Variants in JAK1 observed in about 807,000 individuals in gnomAD.
JAK1 encodes Janus kinase 1, also known as tyrosine-protein kinase JAK1.
Under a neutral mutation model 136.6 loss-of-function variants are expected in JAK1, and 16 were observed. The observed-to-expected ratio is 0.12, with a 90% CI of 0.08 to 0.18. The LOEUF (loss-of-function observed/expected upper bound fraction) is 0.18. Among genes scored for constraint, JAK1 ranks in the 10% least tolerant of loss-of-function variants. The probability of loss-of-function intolerance (pLI) is 1.00; values close to 1 mark genes in which losing one functional copy is unlikely to be tolerated. For missense variants in JAK1, 859 were observed against 1,450.1 expected (o/e 0.59, Z 6.62); for synonymous variants, 492 against 519.5 (o/e 0.95, Z 0.72).
chr1:64,892,424 G>A (rs766911373), intron 1 of JAK1, among the ~76,000 whole-genome samples: 10 of 152,098 alleles, frequency 6.6e-5, no homozygotes, highest in African/African-American at 2.2e-4. Context: ...GGGATAACAG[G>A]TGCACACTAC....
chr1:64,843,295 A>G (rs1424193457), intron 17 of JAK1, among the ~76,000 whole-genome samples: 1 of 152,162 alleles, frequency 6.6e-6, no homozygotes, highest in Non-Finnish European at 1.5e-5. Context: ...TGCCCCCTCT[A>G]AACAACAGGA....
intron 1 of JAK1, among the ~76,000 whole-genome samples, chr1:64,932,605 T>C (rs1439959518): frequency 6.6e-6 from 1 of 152,186 alleles, no homozygotes; most frequent in African/African-American, 2.4e-5. Flanking sequence ...TGCTGGGGCT[T>C]TAATTTTCAT....
At chr1:65,057,490 C>T (rs1339815870) in intron 1 of JAK1, among the ~76,000 whole-genome samples, 1 of 152,128 alleles carries the variant, frequency 6.6e-6, no homozygotes, top group Non-Finnish European at 1.5e-5. Context: ...CAATTAAGCT[C>T]AGGAGGTCAA....
chr1:64,900,783 TG>T (rs1362503158), intron 1 of JAK1, among the ~76,000 whole-genome samples: 2 of 152,178 alleles, frequency 1.3e-5, no homozygotes, highest in Non-Finnish European at 2.9e-5. Flanking sequence ...CTCTCTTAGG[TG>T]ACATGGCTTA....
chr1:64,836,179 ATAAAATT>A lies in JAK1; in HGVS notation c.3170_3176del (p.Lys1057IlefsTer17). 6.2e-7 allele frequency: 1 copy of A among 1,612,060 alleles called. No individual in the cohort carries two copies. The highest frequency in any genetic ancestry group is 8.5e-7 in the Non-Finnish European group (1 of 1,178,100). The stretch of plus-strand genomic sequence containing the variant: ...CAAAAGACCAGACGTCAGAGGCAAT[ATAAAATT>A]TAGATTGCATTAAACATTCTGGAGC... On this transcript the variant is annotated frameshift_variant, in exon 23 of 25. Transcript: ENST00000342505. LOFTEE classifies it high-confidence loss of function.
chr1:65,015,679 T>G (rs1646886793), intron 2 of JAK1, among the ~76,000 whole-genome samples: 1 of 152,152 alleles, frequency 6.6e-6, no homozygotes, highest in Non-Finnish European at 1.5e-5. Context: ...TCAAACAGGT[T>G]GAAATTTTAA....
At chr1:64,965,265 T>C (rs1170049822) in intron 1 of JAK1, among the ~76,000 whole-genome samples, 1 of 152,124 alleles carries the variant, frequency 6.6e-6, no homozygotes, top group African/African-American at 2.4e-5. Context: ...AAAAACCCTA[T>C]GACTTGGGGG....
At chr1:65,000,239 G>A (rs116404609) in intron 2 of JAK1, among the ~76,000 whole-genome samples, 1 of 151,920 alleles carries the variant, frequency 6.6e-6, no homozygotes, top group Non-Finnish European at 1.5e-5. Context: ...CGCCCGCCTT[G>A]GCCATCGTAA....
chr1:64,857,121 G>A (rs1006467457), intron 10 of JAK1, among the ~76,000 whole-genome samples: 1 of 152,146 alleles, frequency 6.6e-6, no homozygotes, highest in African/African-American at 2.4e-5. Flanking sequence ...CTTCAGCTAC[G>A]CTTCAATCAC....
At chr1:65,060,991 C>G (rs1647767873) in intron 1 of JAK1, among the ~76,000 whole-genome samples, 1 of 152,172 alleles carries the variant, frequency 6.6e-6, no homozygotes, top group African/African-American at 2.4e-5. Context: ...AGGACCCAAA[C>G]TGATTTTAAA....
chr1:64,955,193 C>A (rs530539417), intron 1 of JAK1, among the ~76,000 whole-genome samples: 6 of 152,264 alleles, frequency 3.9e-5, no homozygotes, highest in African/African-American at 7.2e-5. Flanking sequence ...GGTGACATTA[C>A]GAAGAAAGAG....
chr1:64,866,728 T>C, intron 7 of JAK1, 138 bp downstream of exon 7: 2 of 630,810 alleles, frequency 3.2e-6, no homozygotes, highest in Middle Eastern at 3.2e-4. Flanking sequence ...AAATAAAATA[T>C]GAATGATACA....
chr1:64,985,322 C>A (rs185724108), intron 2 of JAK1: 30 of 1,610,916 alleles, frequency 1.9e-5, no homozygotes, highest in Admixed American at 8.3e-5. Flanking sequence ...TAAAGAGCTC[C>A]AGCACAGTGA....
At chr1:64,838,921 G>A (rs953061711) in intron 20 of JAK1, among the ~76,000 whole-genome samples, 17 of 151,860 alleles carry the variant, frequency 1.1e-4, no homozygotes, top group Admixed American at 9.8e-4. Flanking sequence ...CGAGGCGGGC[G>A]GATCACGAGG....
In JAK1 at chr1:64,847,548, T is replaced by C. The variant is rs2101014607; in HGVS notation, c.1883A>G (p.His628Arg). 2 of 1,614,096 alleles carry C rather than the reference T, an allele frequency of 1.2e-6. No homozygotes were observed. Among genetic ancestry groups the C allele is most frequent in the Non-Finnish European group, 1.7e-6 (2 of 1,180,008 alleles). ...GACACTTGCCAGGGAAATATCCCTG[T>C]GGCTGGGGTCTAAGACTTTGAGGAT... Reference protein sequence around the residue: ...KVILKVLDPSHRDISLAFFEA... With the variant: ...KVILKVLDPSRRDISLAFFEA... The change falls in exon 13 of 25, where the codon CAC becomes CGC. Residue 628 changes from histidine to arginine, a missense_variant. By Grantham distance (29) the His-to-Arg change is conservative (BLOSUM62 0). Around this residue, in one of 4 missense-constraint regions of JAK1, gnomAD observed 409 missense variants for 753.8 expected, o/e 0.54. Coordinates refer to ENST00000342505, the MANE Select transcript of JAK1 (RefSeq NM_002227.4).
rs1390628213 is a variant in JAK1, at chr1:64,917,280, C to CTA, written c.-77-30941_-77-30940dup. On this transcript the variant is annotated intron_variant, in intron 1 of 24. Coordinates refer to ENST00000342505, the MANE Select transcript of JAK1 (RefSeq NM_002227.4). ...GGGAAACAACTTCCAACCCAGAAGT[C>CTA]TATAACCAGCCAAATTATCAACGAA... is the stretch of plus-strand genomic sequence containing the variant. Among the ~76,000 whole-genome samples, 4 of 152,300 alleles carry CTA rather than the reference C, an allele frequency of 2.6e-5. 1 individual carries two copies. Among genetic ancestry groups the CTA allele is most frequent in the African/African-American group, 9.6e-5 (4 of 41,568 alleles).
chr1:64,899,483 C>T (rs1165165024), intron 1 of JAK1, among the ~76,000 whole-genome samples: 1 of 152,080 alleles, frequency 6.6e-6, no homozygotes, highest in East Asian at 1.9e-4. Flanking sequence ...CACTGAAAAG[C>T]CAAAGTTCCC....
At chr1:64,931,195 T>A (rs756181050) in intron 1 of JAK1, among the ~76,000 whole-genome samples, 1 of 152,140 alleles carries the variant, frequency 6.6e-6, no homozygotes, top group Non-Finnish European at 1.5e-5. Flanking sequence ...TCGGACTTGA[T>A]ATGAAATAGG....
chr1:64,885,216 A>T (rs527758425), intron 2 of JAK1, among the ~76,000 whole-genome samples: 1 of 152,342 alleles, frequency 6.6e-6, no homozygotes, highest in East Asian at 1.9e-4. Flanking sequence ...ATTCAGATCA[A>T]CAAGCAAGAC....
Sources: allele counts gnomAD v4.1 joint callset (sites outside exome capture counted in the v4.1 genomes callset), GRCh38; gene constraint gnomAD v4.1.1; regional missense constraint gnomAD v4.1.1; transcripts MANE v1.5; gene names NCBI Gene and HGNC (gene_info 2026-07-23, HGNC 2026-07-21).